The following SEZ6L variants were observed in gnomAD, a reference collection of about 807,000 sequenced individuals.
SEZ6L encodes seizure related 6 homolog like.
SEZ6L carries 37 observed loss-of-function variants against 106.2 expected under a neutral mutation model. That is an observed-to-expected ratio of 0.35 (90% CI 0.27 to 0.46). SEZ6L has a LOEUF of 0.46. Ranked by LOEUF, SEZ6L falls within the 20% of genes least tolerant of loss-of-function variation. The probability of loss-of-function intolerance (pLI) is 1.00; values close to 1 mark genes in which losing one functional copy is unlikely to be tolerated. For synonymous variants in SEZ6L, 541 were observed against 570.4 expected (o/e 0.95, Z 0.73); for missense variants, 1,172 against 1,332.8 (o/e 0.88, Z 1.88).
At chr22:26,301,675 C>T (rs2081459353) in intron 5 of SEZ6L, among the ~76,000 whole-genome samples, 1 of 151,382 alleles carries the variant, frequency 6.6e-6, no homozygotes, top group South Asian at 2.1e-4. Flanking sequence ...GGAAGGATTA[C>T]CTGATAACAC....
chr22:26,365,382 C>T lies in SEZ6L; in HGVS notation c.2610C>T (p.Ser870=). The part of the protein sequence containing the change: ...SRLPHCVSEE[S]LACDNPGLPE... ...TGGCTTGCATTTCAGCGGAGGAGTC[C>T]CTGGCATGTGACAACCCAGGGCTGC... Residue 870 remains serine, a synonymous_variant, in exon 13 of 17, where the codon TCC becomes TCT. Transcript: ENST00000248933. 6.2e-7 allele frequency: 1 copy of T among 1,604,250 alleles called. No individual in the cohort carries two copies. Among genetic ancestry groups the T allele is most frequent in the Non-Finnish European group, 8.5e-7 (1 of 1,171,792 alleles).
chr22:26,292,906 C>T lies in SEZ6L; in HGVS notation c.595C>T (p.Pro199Ser), dbSNP rs779898861. Residue 199 changes from proline to serine, a missense_variant, in exon 2 of 17, where the codon CCC (proline) becomes TCC (serine). Coordinates refer to ENST00000248933, the MANE Select transcript of SEZ6L (RefSeq NM_021115.5). Reference protein sequence around the residue: ...KESAVPTTPAPLQISPFTSQP... With the variant: ...KESAVPTTPASLQISPFTSQP... The stretch of plus-strand genomic sequence containing the variant: ...GAGTGCGGTCCCTACAACACCCGCA[C>T]CCCTGCAAATCTCCCCCTTCACTTC... 2 of 1,614,176 alleles carry T rather than the reference C, an allele frequency of 1.2e-6. No individual in the cohort carries two copies. Among genetic ancestry groups the T allele is most frequent in the Non-Finnish European group, 1.7e-6 (2 of 1,180,012 alleles).
chr22:26,196,120 C>T (rs535773091), intron 1 of SEZ6L, among the ~76,000 whole-genome samples: 1 of 152,114 alleles, frequency 6.6e-6, no homozygotes, highest in Non-Finnish European at 1.5e-5. Flanking sequence ...TAGTTTAGCA[C>T]CATCTTCTTG....
chr22:26,251,312 C>G (rs1253212532), intron 1 of SEZ6L, among the ~76,000 whole-genome samples: 1 of 147,866 alleles, frequency 6.8e-6, no homozygotes, highest in African/African-American at 2.5e-5. Flanking sequence ...TTGAGGTATT[C>G]TCCTTTTATT....
rs987918221 is a variant in SEZ6L, at chr22:26,380,966, G to A, written c.*671G>A. On this transcript the variant is annotated 3_prime_UTR_variant, in exon 17 of 17. Coordinates refer to ENST00000248933, the MANE Select transcript of SEZ6L (RefSeq NM_021115.5). ...TTTTCTTTCTAGAAAGGTGATAAACGACCAAAGGCAATTTTTCAGAGACAA... is the reference window on the plus strand; with the variant it reads ...TTTTCTTTCTAGAAAGGTGATAAACAACCAAAGGCAATTTTTCAGAGACAA... 2.0e-5 allele frequency: 3 copies of A among 152,172 alleles called. No individual in the cohort carries two copies. Among genetic ancestry groups the A allele is most frequent in the Admixed American group, 6.5e-5 (1 of 15,284 alleles). 9.4% of individuals were successfully genotyped at this position (152,172 alleles called of 1,614,324 possible). A position where few individuals can be genotyped will look rare whatever the true frequency, so the allele number is the denominator to read the frequency against.
At chr22:26,280,772 T>C (rs1056499561) in intron 1 of SEZ6L, among the ~76,000 whole-genome samples, 2 of 152,214 alleles carry the variant, frequency 1.3e-5, no homozygotes, top group Non-Finnish European at 2.9e-5. Flanking sequence ...ATTTATCTAT[T>C]TTTAATTGAC....
intron 4 of SEZ6L, 77 bp from the exon 5 acceptor site, chr22:26,298,907 G>A: frequency 7.1e-7 from 1 of 1,403,542 alleles, no homozygotes; most frequent in Non-Finnish European, 9.5e-7. Context: ...AGCACAAACT[G>A]GCTCCCAGGA....
At chr22:26,255,799 C>G (rs74989559) in intron 1 of SEZ6L, among the ~76,000 whole-genome samples, 1 of 152,362 alleles carries the variant, frequency 6.6e-6, no homozygotes, top group Non-Finnish European at 1.5e-5. Context: ...AGGCTTGGTG[C>G]TAGTCACTGG....
At chr22:26,347,432 C>T (rs1008641730) in intron 10 of SEZ6L, among the ~76,000 whole-genome samples, 1 of 151,900 alleles carries the variant, frequency 6.6e-6, no homozygotes, top group Non-Finnish European at 1.5e-5. Context: ...TGATTGTCCC[C>T]CCGTCACACC....
chr22:26,350,978 A>C, intron 11 of SEZ6L, 74 bp from the exon 12 acceptor site: 2 of 1,469,124 alleles, frequency 1.4e-6, no homozygotes, highest in Non-Finnish European at 9.2e-7. Flanking sequence ...TTTCTAGATC[A>C]TTCTGTAATT....
At chr22:26,356,875 C>T (rs867006856) in intron 12 of SEZ6L, among the ~76,000 whole-genome samples, 2 of 151,836 alleles carry the variant, frequency 1.3e-5, no homozygotes, top group African/African-American at 2.4e-5. Flanking sequence ...ACAAAGGTGA[C>T]GTGATCTAAT....
At chr22:26,228,058 A>G (rs73417573) in intron 1 of SEZ6L, among the ~76,000 whole-genome samples, 3,573 of 152,272 alleles carry the variant, frequency 0.023, 164 homozygotes, top group African/African-American at 0.082. Flanking sequence ...CACTTACTTA[A>G]CAAACACTTG....
chr22:26,192,502 C>G (rs1024124495), intron 1 of SEZ6L, among the ~76,000 whole-genome samples: 1 of 152,198 alleles, frequency 6.6e-6, no homozygotes, highest in Non-Finnish European at 1.5e-5. Context: ...AAATGAGACT[C>G]TAACTCATCA....
chr22:26,222,293 T>C (rs1274321539), intron 1 of SEZ6L, among the ~76,000 whole-genome samples: 1 of 152,166 alleles, frequency 6.6e-6, no homozygotes, highest in East Asian at 1.9e-4. Flanking sequence ...CTAGTCCAAC[T>C]TCCTAACTTT....
At chr22:26,379,017 C>T (rs932427100) in intron 16 of SEZ6L, among the ~76,000 whole-genome samples, 2 of 152,208 alleles carry the variant, frequency 1.3e-5, no homozygotes, top group Non-Finnish European at 2.9e-5. Flanking sequence ...TGCTTTATGG[C>T]TCACAGGCTA....
At chr22:26,277,379 G>A (rs1162096272) in intron 1 of SEZ6L, among the ~76,000 whole-genome samples, 4 of 152,194 alleles carry the variant, frequency 2.6e-5, no homozygotes, top group East Asian at 1.9e-4. Context: ...GTGAGTTCAC[G>A]TGTGCAGTTT....
chr22:26,310,734 A>C lies in SEZ6L; in HGVS notation c.1579A>C (p.Ser527Arg). Residue 527 changes from serine (S) to arginine (R), a missense_variant, in exon 7 of 17, where the codon AGT (serine) becomes CGT (arginine). Physicochemically the swap from Ser to Arg is moderately radical, Grantham distance 110. Coordinates refer to ENST00000248933, the MANE Select transcript of SEZ6L (RefSeq NM_021115.5). ...ALLYDSLQTE[S>R]VPFEGLLSEG... ...TCTCTACGACTCCCTTCAAACCGAG[A>C]GTGTCCCTTTTGAGGGCCTGCTGAG... 6.2e-7 allele frequency: 1 copy of C among 1,614,074 alleles called. No individual in the cohort carries two copies. Among genetic ancestry groups the C allele is most frequent in the Non-Finnish European group, 8.5e-7 (1 of 1,180,002 alleles).
chr22:26,238,776 G>C (rs2079026025), intron 1 of SEZ6L, among the ~76,000 whole-genome samples: 1 of 152,202 alleles, frequency 6.6e-6, no homozygotes, highest in African/African-American at 2.4e-5. Flanking sequence ...ACTTGACTGA[G>C]GTTCATGCAG....
intron 13 of SEZ6L, among the ~76,000 whole-genome samples, chr22:26,369,469 T>C (rs1420909330): frequency 3.3e-5 from 5 of 150,982 alleles, no homozygotes; most frequent in Admixed American, 2.6e-4. Flanking sequence ...GCCTCCCGAG[T>C]AGCTGGGACT....
Sources: gnomAD v4.1 joint callset for allele counts (sites outside exome capture counted in the v4.1 genomes callset) on GRCh38, gnomAD v4.1.1 for gene constraint, MANE v1.5 for transcripts, NCBI Gene and HGNC (gene_info 2026-07-23, HGNC 2026-07-21) for gene names.